Variants in KIF1B observed in about 807,000 individuals in gnomAD.
KIF1B encodes the protein kinesin family member 1B.
A neutral mutation model predicts 241.9 loss-of-function variants in KIF1B; 76 were observed. The ratio of observed to expected loss-of-function variants is 0.31; its 90% confidence interval spans 0.26 to 0.38. KIF1B has a LOEUF of 0.38. KIF1B is among the 10% of genes least tolerant of loss of function. The probability of loss-of-function intolerance (pLI) is 1.00; values close to 1 mark genes in which losing one functional copy is unlikely to be tolerated. For missense variants in KIF1B, 1,622 were observed against 2,271.4 expected, an observed-to-expected ratio of 0.71 and a Z score of 5.81; for synonymous variants, 750 against 796.7, an observed-to-expected ratio of 0.94 and a Z score of 0.99.
intron 1 of KIF1B, among the ~76,000 whole-genome samples, chr1:10,229,675 T>G (rs181770949): frequency 3.2e-4 from 47 of 148,256 alleles, no homozygotes; most frequent in African/African-American, 1.1e-3. Context: ...GCTAACATGG[T>G]GAAACCCCAT....
chr1:10,372,657 GACAGAGCTGTC>G (rs1638770849), intron 45 of KIF1B, among the ~76,000 whole-genome samples: 1 of 120,002 alleles, frequency 8.3e-6, no homozygotes, highest in Non-Finnish European at 1.7e-5. Flanking sequence ...CAGCTTGGGT[GACAGAGCTGTC>G]ACCCAAGCTG....
At chr1:10,263,669 A>G (rs774474020) in intron 5 of KIF1B, among the ~76,000 whole-genome samples, 4 of 152,222 alleles carry the variant, frequency 2.6e-5, no homozygotes, top group Non-Finnish European at 5.9e-5. Context: ...TTTTGCGTTA[A>G]AATGAATTTT....
chr1:10,319,727 G>A (rs1455599142), intron 22 of KIF1B, among the ~76,000 whole-genome samples: 5 of 152,024 alleles, frequency 3.3e-5, no homozygotes, highest in South Asian at 4.1e-4. Flanking sequence ...AGGTATACAC[G>A]TGTTATTTCA....
In KIF1B at chr1:10,320,129, G is replaced by A. The variant is rs761475548; in HGVS notation, c.2202G>A (p.Glu734=). The change falls in exon 23 of 49, where the codon GAG becomes GAA. Residue 734 remains glutamate (E), a synonymous_variant. Coordinates refer to ENST00000676179, the MANE Select transcript of KIF1B (RefSeq NM_001365951.3). ...AAETTEEEEE[E]EEVPWTQHEF... is the part of the protein sequence containing the mutation. ...AAACAACTGAAGAGGAGGAAGAAGA[G>A]GAAGAAGGTGAAATCTAGAGACCGA... The A allele has an allele frequency of 5.6e-6, 9 of 1,611,238 alleles. No homozygotes were observed. The Admixed American group carries it at 1.5e-4, about 27-fold the overall frequency.
rs772916176 is a variant in KIF1B at position 10,337,980 on chromosome 1, C to T, written c.3422+447C>T. ...TAAATTCTACATCAACTGAAAAAAG[C>T]TAGTATGTAGGGAAGATGTGATACC... On this transcript the variant is annotated intron_variant, in intron 31 of 48. Coordinates refer to ENST00000676179, the MANE Select transcript of KIF1B (RefSeq NM_001365951.3). The surrounding 1 kb of genome is among the most constrained non-coding windows in gnomAD (Gnocchi z 4.0). Among the ~76,000 whole-genome samples the T allele has an allele frequency of 4.6e-5, 7 of 152,144 alleles. No individual in the cohort carries two copies. Among genetic ancestry groups the T allele is most frequent in the Non-Finnish European group, 7.3e-5 (5 of 68,034 alleles).
intron 2 of KIF1B, among the ~76,000 whole-genome samples, chr1:10,247,136 A>T (rs1647229817): frequency 2.0e-5 from 3 of 152,164 alleles, no homozygotes; most frequent in Admixed American, 2.0e-4. Context: ...AAGTGCTAGG[A>T]TTACAGGTGT....
At chr1:10,356,085 G>A (rs547865308) in intron 38 of KIF1B, among the ~76,000 whole-genome samples, 14 of 152,156 alleles carry the variant, frequency 9.2e-5, no homozygotes, top group Middle Eastern at 3.4e-3. Context: ...CAACATAAAC[G>A]GGCTGGGCTC....
rs1377328921 is a variant in KIF1B at position 10,381,089 on chromosome 1, G to GT, written c.*4503dup. 2 of 222,290 alleles carry GT rather than the reference G, an allele frequency of 9.0e-6. No individual in the cohort carries two copies. The highest frequency in any genetic ancestry group is 1.3e-4 in the East Asian group (2 of 15,206). 13.8% of individuals were successfully genotyped at this position (222,290 alleles called of 1,614,324 possible). A position where few individuals can be genotyped will look rare whatever the true frequency, so the allele number is the denominator to read the frequency against. On this transcript the variant is annotated 3_prime_UTR_variant, in exon 49 of 49. Coordinates refer to ENST00000676179, the MANE Select transcript of KIF1B (RefSeq NM_001365951.3). The stretch of plus-strand genomic sequence containing the variant: ...GCTGAGGTTGGTCTCTTGCCAAACC[G>GT]TGGCTGTTGTGTGTTGTTCTTCATG...
In KIF1B at chr1:10,371,155, T is replaced by C; in HGVS notation, c.4839T>C (p.Ser1613=). The C allele has an allele frequency of 6.2e-7, 1 of 1,614,140 alleles. No individual in the cohort carries two copies. The highest frequency in any genetic ancestry group is 1.1e-5 in the South Asian group (1 of 91,084). The change falls in exon 45 of 49, where the codon TCT becomes TCC. Residue 1613 remains serine (S), a synonymous_variant. Coordinates refer to ENST00000676179, the MANE Select transcript of KIF1B (RefSeq NM_001365951.3). ...TTTGCTTCCAGTTGTCTGATATCTC[T>C]CCAATTGGACGGGATCCCTCTGAGT... The part of the protein sequence containing the change: ...SVSDCKLSDI[S]PIGRDPSESS...
chr1:10,353,588 C>T (rs753318919), intron 38 of KIF1B, among the ~76,000 whole-genome samples: 13 of 152,126 alleles, frequency 8.5e-5, no homozygotes, highest in Non-Finnish European at 1.9e-4. Context: ...CTTCAGTCTG[C>T]TCCTGAAAAA....
rs12023448 is a variant in KIF1B, at chr1:10,219,043, A to G, written c.-80+8165A>G. The stretch of plus-strand genomic sequence containing the variant: ...ACATGGAATTTAATGCAAAAAGGGA[A>G]AGATAAATTGTACAATTTTCACTCT... On this transcript the variant is annotated intron_variant, in intron 1 of 48. Transcript: ENST00000676179. Among the ~76,000 whole-genome samples, 1,360 of 152,326 alleles carry G rather than the reference A, an allele frequency of 8.9e-3. 61 individuals carry two copies. The East Asian group carries it at 0.12, about 13-fold the overall frequency.
intron 1 of KIF1B, among the ~76,000 whole-genome samples, chr1:10,221,880 A>G (rs921576146): frequency 2.6e-5 from 4 of 152,082 alleles, no homozygotes; most frequent in Non-Finnish European, 4.4e-5. Flanking sequence ...CAGTGGTGCA[A>G]TCTTGGCTCA....
At position 10,267,510 on chromosome 1, in the gene KIF1B, C is replaced by A; in HGVS notation, c.560C>A (p.Thr187Asn). 6.2e-7 allele frequency: 1 copy of A among 1,614,182 alleles called. No individual in the cohort carries two copies. Among genetic ancestry groups the A allele is most frequent in the Non-Finnish European group, 8.5e-7 (1 of 1,180,006 alleles). Residue 187 changes from threonine (T) to asparagine (N), a missense_variant, in exon 6 of 49, where the codon ACT (threonine) becomes AAT (asparagine). By Grantham distance (65) the Thr-to-Asn change is moderately conservative. Transcript: ENST00000676179. ...YVEDLSKLAVTSYTDIADLMD... is the reference protein window; with the variant it reads ...YVEDLSKLAVNSYTDIADLMD... ...GAGGATCTGTCCAAGTTGGCAGTTA[C>A]TTCCTACACAGACATTGCTGACCTC... is the stretch of plus-strand genomic sequence containing the variant.
chr1:10,290,545 G>A (rs1251937499), intron 15 of KIF1B, among the ~76,000 whole-genome samples: 4 of 151,602 alleles, frequency 2.6e-5, no homozygotes, highest in Non-Finnish European at 4.4e-5. Flanking sequence ...GCAGTGGCGC[G>A]ATCTCGGCTC....
intron 10 of KIF1B, among the ~76,000 whole-genome samples, chr1:10,274,589 G>A (rs1649000700): frequency 6.6e-6 from 1 of 152,040 alleles, no homozygotes; most frequent in Admixed American, 6.6e-5. Context: ...AGAGTTACTA[G>A]ATTTGCAACA....
rs1017180273 is a variant in KIF1B at position 10,377,224 on chromosome 1, A to G, written c.*637A>G. 3.5e-5 allele frequency: 8 copies of G among 231,756 alleles called. No homozygotes were observed. Among genetic ancestry groups the G allele is most frequent in the African/African-American group, 1.8e-4 (8 of 45,144 alleles). The allele number at this position is 231,756 out of a possible 1,614,324, so 14.4% of individuals were successfully genotyped here. A position where few individuals can be genotyped will look rare whatever the true frequency, so the allele number is the denominator to read the frequency against. The stretch of plus-strand genomic sequence containing the variant: ...GTGGTAGTGAGCATAGAACTGCAAC[A>G]GTTATATTCTGAGTCAAAGTTGGGG... On this transcript the variant is annotated 3_prime_UTR_variant, in exon 49 of 49. Transcript: ENST00000676179.
chr1:10,374,555 C>T lies in KIF1B; in HGVS notation c.5096+90C>T. 7 of 1,427,092 alleles carry T rather than the reference C, an allele frequency of 4.9e-6. No homozygotes were observed. The South Asian group carries it at 8.1e-5, about 16-fold the overall frequency. The allele number at this position is 1,427,092 out of a possible 1,614,324, so 88.4% of individuals were successfully genotyped here. On this transcript the variant is annotated intron_variant, in intron 46 of 48. Coordinates refer to ENST00000676179, the MANE Select transcript of KIF1B (RefSeq NM_001365951.3). This position sits in a 1 kb window ranked among gnomAD's most constrained non-coding sequence, Gnocchi z 4.3. The stretch of plus-strand genomic sequence containing the variant: ...CCAGCTCTTCCCTGTGAGGTCTGTA[C>T]TGTAGTCTGATGCAATCTGTACTGT...
chr1:10,279,199 A>C (rs561950920), intron 14 of KIF1B, 61 bp downstream of exon 14: 1 of 1,148,262 alleles, frequency 8.7e-7, no homozygotes, highest in Non-Finnish European at 1.3e-6. Context: ...CCTCTGCTGG[A>C]TCAGCCTTAA....
intron 5 of KIF1B, among the ~76,000 whole-genome samples, chr1:10,266,988 T>C (rs1648497754): frequency 6.6e-6 from 1 of 151,942 alleles, no homozygotes; most frequent in East Asian, 1.9e-4. Flanking sequence ...CTGTATGTGA[T>C]TTCTTTTGTT....
Sources: gnomAD v4.1 joint callset for allele counts (sites outside exome capture counted in the v4.1 genomes callset) on GRCh38, gnomAD v4.1.1 for gene constraint, Gnocchi (gnomAD v3.1) non-coding constraint, MANE v1.5 for transcripts, NCBI Gene and HGNC (gene_info 2026-07-23, HGNC 2026-07-21) for gene names.